The following KAZN variants were observed in gnomAD, a reference collection of about 807,000 sequenced individuals.
KAZN encodes the protein kazrin, periplakin interacting protein.
A neutral mutation model predicts 87.4 loss-of-function variants in KAZN; 40 were observed. The observed-to-expected ratio is 0.46, with a 90% CI of 0.36 to 0.60. KAZN has a LOEUF of 0.60. Among genes scored for constraint, KAZN ranks in the 20% least tolerant of loss-of-function variants. The pLI, the probability that KAZN is intolerant of heterozygous loss-of-function variation, is 0.00. For missense variants in KAZN, 898 were observed against 1,073.9 expected (o/e 0.84, Z 2.29); for synonymous variants, 466 against 458.3 (o/e 1.02, Z -0.22).
chr1:14,260,844 C>T (rs967773874), intron 2 of KAZN, among the ~76,000 whole-genome samples: 2 of 152,144 alleles, frequency 1.3e-5, no homozygotes, highest in South Asian at 2.1e-4. Context: ...GCGGTTAAGT[C>T]GCCGTCACAG....
rs180794454 is a variant in KAZN, at chr1:15,042,419, C to A, written c.556-1570C>A. Among the ~76,000 whole-genome samples the A allele has an allele frequency of 2.0e-5, 3 of 152,244 alleles. No individual in the cohort carries two copies. The East Asian group carries it at 5.8e-4, about 29-fold the overall frequency. The stretch of plus-strand genomic sequence containing the variant: ...ATAAAGAAAACAGGTTAGAGAGGGC[C>A]TGGGGCTTCTTTCTTACGTGGGTGG... On this transcript the variant is annotated intron_variant, in intron 3 of 14. Coordinates refer to ENST00000376030, the MANE Select transcript of KAZN (RefSeq NM_201628.3).
intron 1 of KAZN, among the ~76,000 whole-genome samples, chr1:14,794,139 C>G (rs531626292): frequency 6.6e-6 from 1 of 152,212 alleles, no homozygotes; most frequent in African/African-American, 2.4e-5. Context: ...TGGGCCCACT[C>G]TCCACCGGTT....
At chr1:14,932,120 C>T (rs1355608604) in intron 1 of KAZN, among the ~76,000 whole-genome samples, 2 of 152,156 alleles carry the variant, frequency 1.3e-5, no homozygotes, top group Non-Finnish European at 2.9e-5. Flanking sequence ...CCTTGAGCCC[C>T]GCAGAGGAGC....
chr1:14,702,950 G>A (rs1225852057), intron 1 of KAZN, among the ~76,000 whole-genome samples: 1 of 152,202 alleles, frequency 6.6e-6, no homozygotes, highest in South Asian at 2.1e-4. Context: ...GGCTTACGAT[G>A]TTCTAGAAAC....
At chr1:15,009,039 T>G (rs968173722) in intron 2 of KAZN, among the ~76,000 whole-genome samples, 21 of 152,318 alleles carry the variant, frequency 1.4e-4, no homozygotes, top group African/African-American at 4.8e-4. Context: ...GTTGGCAGTT[T>G]TGCACACGAG....
intron 1 of KAZN, among the ~76,000 whole-genome samples, chr1:14,620,258 A>G (rs1482851442): frequency 6.6e-6 from 1 of 152,242 alleles, no homozygotes; most frequent in East Asian, 1.9e-4. Flanking sequence ...ATTTAAAACT[A>G]AAGAGCAGCT....
At chr1:14,036,333 G>T (rs571100383) in intron 1 of KAZN, among the ~76,000 whole-genome samples, 1 of 152,308 alleles carries the variant, frequency 6.6e-6, no homozygotes, top group South Asian at 2.1e-4. Flanking sequence ...TCATGTGGCT[G>T]TTCAGGCTTC....
At chr1:14,297,394 A>G (rs886671787) in intron 2 of KAZN, among the ~76,000 whole-genome samples, 2 of 152,236 alleles carry the variant, frequency 1.3e-5, no homozygotes. Context: ...CCAGAACTGT[A>G]TCACTTGGTC....
At chr1:14,567,624 G>A (rs1674621902) in intron 2 of KAZN, among the ~76,000 whole-genome samples, 1 of 152,188 alleles carries the variant, frequency 6.6e-6, no homozygotes, top group South Asian at 2.1e-4. Flanking sequence ...TATTTTTAAT[G>A]TTTACAAACC....
At chr1:14,835,808 C>T (rs1647220653) in intron 1 of KAZN, among the ~76,000 whole-genome samples, 1 of 151,452 alleles carries the variant, frequency 6.6e-6, no homozygotes. Flanking sequence ...AAACACCTCC[C>T]ACCCCCGCCC....
chr1:14,158,029 A>T, intron 1 of KAZN, among the ~76,000 whole-genome samples: 1 of 152,206 alleles, frequency 6.6e-6, no homozygotes, highest in East Asian at 1.9e-4. Context: ...CGGGGATTAC[A>T]GTTTGAGATG....
chr1:15,060,345 C>T, intron 6 of KAZN, 43 bp downstream of exon 6: 1 of 1,609,596 alleles, frequency 6.2e-7, no homozygotes, highest in Non-Finnish European at 8.5e-7. Context: ...GGGCCCTGCC[C>T]AGAAACTGCA....
chr1:15,027,067 C>CTTTTTTTTTTTT (rs1442824114), intron 2 of KAZN, among the ~76,000 whole-genome samples: 3 of 62,210 alleles, frequency 4.8e-5, no homozygotes, highest in Admixed American at 2.2e-4. Context: ...CAAGCCAGTG[C>CTTTTTTTTTTTT]TTCTTTTTTT....
intron 1 of KAZN, among the ~76,000 whole-genome samples, chr1:14,003,678 G>GA (rs979123875): frequency 6.6e-6 from 1 of 152,090 alleles, no homozygotes; most frequent in Non-Finnish European, 1.5e-5. Flanking sequence ...CTATTTATAT[G>GA]AAAAAAGATG....
intron 2 of KAZN, among the ~76,000 whole-genome samples, chr1:14,513,175 T>C (rs1395035257): frequency 6.6e-6 from 1 of 152,216 alleles, no homozygotes; most frequent in Non-Finnish European, 1.5e-5. Flanking sequence ...CAATTTCTTC[T>C]GCCTTTAGGA....
chr1:13,963,349 T>C (rs1641825213), intron 1 of KAZN, among the ~76,000 whole-genome samples: 1 of 152,194 alleles, frequency 6.6e-6, no homozygotes, highest in South Asian at 2.1e-4. Flanking sequence ...TTCTAGAACA[T>C]TCAGCTCCAT....
At chr1:14,134,765 G>T (rs1352869547) in intron 1 of KAZN, among the ~76,000 whole-genome samples, 1 of 152,036 alleles carries the variant, frequency 6.6e-6, no homozygotes, top group Non-Finnish European at 1.5e-5. Context: ...GGAACACACT[G>T]GCCTTCACCT....
At chr1:14,047,594 C>A (rs989872123) in intron 1 of KAZN, among the ~76,000 whole-genome samples, 29 of 152,192 alleles carry the variant, frequency 1.9e-4, no homozygotes, top group African/African-American at 7.0e-4. Context: ...TTAGTCCGGG[C>A]ATGGCGGCTC....
At chr1:14,814,440 C>T (rs6691201) in intron 1 of KAZN, among the ~76,000 whole-genome samples, 49 of 152,196 alleles carry the variant, frequency 3.2e-4, no homozygotes, top group African/African-American at 1.2e-3. Flanking sequence ...GGTCTCAAAC[C>T]CCTGAGCTCG....
Sources: allele counts gnomAD v4.1 joint callset (sites outside exome capture counted in the v4.1 genomes callset), GRCh38; gene constraint gnomAD v4.1.1; transcripts MANE v1.5; gene names NCBI Gene and HGNC (gene_info 2026-07-23, HGNC 2026-07-21).